The following ASCC1 variants were observed in gnomAD, a reference collection of about 807,000 sequenced individuals.
The protein encoded by ASCC1 is ASC-1 complex subunit P50.
ASCC1 carries 35 observed loss-of-function variants against 46.6 expected under a neutral mutation model. The ratio of observed to expected loss-of-function variants is 0.75; its 90% CI spans 0.57 to 0.99. The LOEUF is 0.99. Among genes scored for constraint, ASCC1 ranks in the 50% least tolerant of loss-of-function variants. The pLI is 0.00. For missense variants in ASCC1, 376 were observed against 428.7 expected, an observed-to-expected ratio of 0.88 and a Z score of 1.09; for synonymous variants, 143 against 146.6, an observed-to-expected ratio of 0.98 and a Z score of 0.18.
chr10:72,170,610 A>G (rs190764736), intron 5 of ASCC1, among the ~76,000 whole-genome samples: 3,143 of 150,440 alleles, frequency 0.021, 131 homozygotes, highest in African/African-American at 0.073. Flanking sequence ...AAAAAAAAAA[A>G]AAAGAAAGAA....
intron 9 of ASCC1, among the ~76,000 whole-genome samples, chr10:72,108,809 T>C (rs1327718735): frequency 1.3e-5 from 2 of 152,196 alleles, no homozygotes; most frequent in African/African-American, 4.8e-5. Context: ...TAATCTCTAA[T>C]GCATCACTGC....
At chr10:72,175,351 A>G (rs992537911) in intron 5 of ASCC1, among the ~76,000 whole-genome samples, 5 of 152,226 alleles carry the variant, frequency 3.3e-5, no homozygotes, top group Non-Finnish European at 7.3e-5. Context: ...ATGACTGTGC[A>G]GCACTAGACA....
chr10:72,193,771 A>C (rs1222759169), intron 5 of ASCC1, among the ~76,000 whole-genome samples: 1 of 152,062 alleles, frequency 6.6e-6, no homozygotes. Context: ...TTAAAGTCTT[A>C]CCTCTTACTG....
In ASCC1 at chr10:72,113,540, C is replaced by T. The variant is rs758856907; in HGVS notation, c.957+14542G>A. Among the ~76,000 whole-genome samples, 2 of 152,208 alleles carry T rather than the reference C, an allele frequency of 1.3e-5. 1 individual carries two copies. Among genetic ancestry groups the T allele is most frequent in the Non-Finnish European group, 2.9e-5 (2 of 68,044 alleles). On this transcript the variant is annotated intron_variant, in intron 9 of 9. Coordinates refer to ENST00000672957, the MANE Select transcript of ASCC1 (RefSeq NM_001198800.3). ...CATTAGTGTTTTAAGACTTCACTGT[C>T]CAGGCAAAGTAACACATAAGACACA...
chr10:72,196,750 A>G, intron 5 of ASCC1, 61 bp downstream of exon 5: 3 of 1,505,946 alleles, frequency 2.0e-6, no homozygotes, highest in South Asian at 1.2e-5. Context: ...TTTATGAACC[A>G]TTTTTGTATT....
intron 3 of ASCC1, among the ~76,000 whole-genome samples, chr10:72,208,663 T>G (rs1444077846): frequency 1.3e-5 from 2 of 151,940 alleles, no homozygotes; most frequent in African/African-American, 4.8e-5. Context: ...AGGAAGCTGA[T>G]GCAAGAAAAT....
chr10:72,097,259 G>T lies in ASCC1; in HGVS notation c.*75C>A. 1 of 1,027,976 alleles carries T rather than the reference G, an allele frequency of 9.7e-7. No homozygotes were observed. The highest frequency in any genetic ancestry group is 1.5e-6 in the Non-Finnish European group (1 of 651,224). The allele number at this position is 1,027,976 out of a possible 1,614,324, so 63.7% of individuals were successfully genotyped here. A position where few individuals can be genotyped will look rare whatever the true frequency, so the allele number is the denominator to read the frequency against. ...CATCCAAATGTCCACATCCCTGCTT[G>T]GCAATTAAAACGAAGACACTTTTCT... On this transcript the variant is annotated 3_prime_UTR_variant, in exon 10 of 10. Transcript: ENST00000672957.
At chr10:72,118,604 A>AC (rs1255977793) in intron 9 of ASCC1, among the ~76,000 whole-genome samples, 1 of 151,236 alleles carries the variant, frequency 6.6e-6, no homozygotes, top group Non-Finnish European at 1.5e-5. Flanking sequence ...ACATGGTGAA[A>AC]CCCCGTCTCT....
intron 5 of ASCC1, among the ~76,000 whole-genome samples, chr10:72,163,689 C>T (rs1237517376): frequency 6.6e-6 from 1 of 151,538 alleles, no homozygotes; most frequent in Non-Finnish European, 1.5e-5. Context: ...GAGCCGAGAT[C>T]GCACCACTGC....
At chr10:72,215,821 G>C (rs971675595) in intron 1 of ASCC1, 1 of 152,384 alleles carries the variant, frequency 6.6e-6, no homozygotes, top group African/African-American at 2.4e-5. Flanking sequence ...GGAAAGCTGT[G>C]TCTTTCTGCA....
At chr10:72,169,010 G>A (rs941024912) in intron 5 of ASCC1, among the ~76,000 whole-genome samples, 5 of 152,136 alleles carry the variant, frequency 3.3e-5, no homozygotes, top group Admixed American at 2.0e-4. Context: ...CATCAACAAC[G>A]TAAAATATGT....
At chr10:72,122,174 A>G (rs904790512) in intron 9 of ASCC1, among the ~76,000 whole-genome samples, 2 of 152,178 alleles carry the variant, frequency 1.3e-5, no homozygotes, top group African/African-American at 2.4e-5. Flanking sequence ...TAATCCCAAC[A>G]CTTTGGGATG....
At chr10:72,107,425 A>G (rs995276237) in intron 9 of ASCC1, among the ~76,000 whole-genome samples, 1 of 152,094 alleles carries the variant, frequency 6.6e-6, no homozygotes, top group Non-Finnish European at 1.5e-5. Flanking sequence ...GCCACCTGTG[A>G]GATTACTTCT....
chr10:72,182,311 C>T (rs1174248418), intron 5 of ASCC1, among the ~76,000 whole-genome samples: 3 of 152,294 alleles, frequency 2.0e-5, no homozygotes, highest in East Asian at 3.9e-4. Context: ...TCAATCTGTC[C>T]CACCTTGTCC....
chr10:72,214,327 T>C lies in ASCC1; in HGVS notation c.-33-996A>G, dbSNP rs570205377. Among the ~76,000 whole-genome samples, 4 of 151,380 alleles carry C rather than the reference T, an allele frequency of 2.6e-5. No individual in the cohort carries two copies. In the East Asian group the frequency reaches 7.7e-4, roughly 29 times the overall value. On this transcript the variant is annotated intron_variant, in intron 1 of 9. Coordinates refer to ENST00000672957, the MANE Select transcript of ASCC1 (RefSeq NM_001198800.3). ...TATTACTTTAACCTAATGAGTAAAATGCAAACTTCAGTGGTTATCTAACCA... is the reference window on the plus strand; with the variant it reads ...TATTACTTTAACCTAATGAGTAAAACGCAAACTTCAGTGGTTATCTAACCA...
At chr10:72,099,541 C>T (rs1396468660) in intron 9 of ASCC1, among the ~76,000 whole-genome samples, 1 of 152,182 alleles carries the variant, frequency 6.6e-6, no homozygotes. Context: ...AAGTACAAGG[C>T]CAGGCGCGGT....
chr10:72,106,903 T>C (rs1044300212), intron 9 of ASCC1, among the ~76,000 whole-genome samples: 1 of 152,144 alleles, frequency 6.6e-6, no homozygotes, highest in Non-Finnish European at 1.5e-5. Flanking sequence ...GCAGTGTGTA[T>C]GGGCCTCTCA....
At chr10:72,160,688 G>C (rs1159996161) in intron 6 of ASCC1, among the ~76,000 whole-genome samples, 2 of 146,940 alleles carry the variant, frequency 1.4e-5, no homozygotes, top group Non-Finnish European at 3.0e-5. Flanking sequence ...AACAGAGAAA[G>C]ACCCCGTCCC....
At chr10:72,132,013 C>A (rs1423613479) in intron 8 of ASCC1, among the ~76,000 whole-genome samples, 1 of 151,816 alleles carries the variant, frequency 6.6e-6, no homozygotes, top group Non-Finnish European at 1.5e-5. Context: ...GGATTACAGG[C>A]ATGTGCCACC....
Sources: allele counts gnomAD v4.1 joint callset (sites outside exome capture counted in the v4.1 genomes callset), GRCh38; gene constraint gnomAD v4.1.1; transcripts MANE v1.5; gene names NCBI Gene and HGNC (gene_info 2026-07-23, HGNC 2026-07-21).